Variants in FAM13A observed in about 807,000 individuals in gnomAD.
FAM13A encodes protein FAM13A.
Under a neutral mutation model 129.6 loss-of-function variants are expected in FAM13A, and 76 were observed. The observed-to-expected ratio is 0.59, with a 90% CI of 0.49 to 0.71. The LOEUF (loss-of-function observed/expected upper bound fraction) is 0.71. FAM13A is among the 30% of genes least tolerant of loss of function. The pLI is 0.00. For missense variants in FAM13A, 1,108 were observed against 1,249.3 expected, an observed-to-expected ratio of 0.89 and a Z score of 1.70; for synonymous variants, 443 against 449.9, an observed-to-expected ratio of 0.98 and a Z score of 0.20.
In FAM13A at chr4:88,739,114, GTTCT is replaced by G. The variant is rs1560852308; in HGVS notation, c.2474_2477del (p.Lys825ThrfsTer5). ...ATAGTGGCTTCATCACCTGCCGTTC[GTTCT>G]TTGTTACCTGAAAAGCAAGAATGAG... On this transcript the variant is annotated frameshift_variant, in exon 20 of 24. Coordinates refer to ENST00000264344, the MANE Select transcript of FAM13A (RefSeq NM_014883.4). LOFTEE classifies it high-confidence loss of function. 2.5e-6 allele frequency: 4 copies of G among 1,613,118 alleles called. No individual in the cohort carries two copies. Among genetic ancestry groups the G allele is most frequent in the African/African-American group, 1.3e-5 (1 of 74,868 alleles).
At chr4:88,772,689 G>A (rs999475748) in intron 11 of FAM13A, among the ~76,000 whole-genome samples, 11 of 152,154 alleles carry the variant, frequency 7.2e-5, no homozygotes, top group Non-Finnish European at 1.2e-4. Flanking sequence ...GCTTAGCCTA[G>A]CCTAAACATG....
intron 4 of FAM13A, among the ~76,000 whole-genome samples, chr4:88,958,857 C>T (rs951079121): frequency 6.6e-6 from 1 of 152,180 alleles, no homozygotes. Context: ...TAAGTTTAGC[C>T]ATGGGGGCTG....
chr4:88,909,660 T>A (rs1285002844), intron 5 of FAM13A, among the ~76,000 whole-genome samples: 1 of 152,150 alleles, frequency 6.6e-6, no homozygotes, highest in African/African-American at 2.4e-5. Context: ...CTAATTTTTG[T>A]ATTTTTAGTA....
At chr4:88,776,661 GT>G (rs1274875869) in intron 11 of FAM13A, among the ~76,000 whole-genome samples, 4 of 151,930 alleles carry the variant, frequency 2.6e-5, no homozygotes, top group Admixed American at 6.6e-5. Flanking sequence ...AATATATATG[GT>G]TTTTTTGATA....
At chr4:88,949,564 G>A (rs1756590030) in intron 4 of FAM13A, among the ~76,000 whole-genome samples, 1 of 152,066 alleles carries the variant, frequency 6.6e-6, no homozygotes, top group South Asian at 2.1e-4. Flanking sequence ...CTATTTTAAT[G>A]GTCCTATATT....
At chr4:88,758,985 A>G in intron 13 of FAM13A, 84 bp from the exon 14 acceptor site, 1 of 1,417,834 alleles carries the variant, frequency 7.1e-7, no homozygotes, top group Non-Finnish European at 9.7e-7. Flanking sequence ...CCTTCAGGAT[A>G]AAACCTTCCA....
chr4:88,955,598 T>C (rs1418197682), intron 4 of FAM13A, among the ~76,000 whole-genome samples: 1 of 152,154 alleles, frequency 6.6e-6, no homozygotes, highest in Non-Finnish European at 1.5e-5. Flanking sequence ...CAGGAAGATG[T>C]AGGAAAATTT....
At chr4:88,985,473 A>T (rs1041121383) in intron 4 of FAM13A, among the ~76,000 whole-genome samples, 1 of 151,936 alleles carries the variant, frequency 6.6e-6, no homozygotes, top group Non-Finnish European at 1.5e-5. Flanking sequence ...TCTCAATAAA[A>T]CTCTTAAAAC....
At chr4:88,993,929 T>G (rs1041829939) in intron 3 of FAM13A, among the ~76,000 whole-genome samples, 1 of 151,344 alleles carries the variant, frequency 6.6e-6, no homozygotes, top group African/African-American at 2.4e-5. Context: ...AAGCGGAGGT[T>G]GCAGTGAGCT....
intron 1 of FAM13A, among the ~76,000 whole-genome samples, chr4:89,053,447 TTTAAG>T (rs1771847499): frequency 6.6e-6 from 1 of 152,154 alleles, no homozygotes; most frequent in South Asian, 2.1e-4. Flanking sequence ...CTTGCTGTGA[TTTAAG>T]TTGATTCAAT....
chr4:89,014,718 T>C (rs182221278), intron 3 of FAM13A, among the ~76,000 whole-genome samples: 6 of 152,372 alleles, frequency 3.9e-5, no homozygotes, highest in East Asian at 1.9e-4. Context: ...TGATTTCCTA[T>C]GCCTGTCTTA....
chr4:88,817,027 T>C lies in FAM13A; in HGVS notation c.1008-11975A>G, dbSNP rs557582900. Reference sequence around the variant, plus strand: ...ATAAACGAAATTTGCTACATCCATATATCATAATATTATTCAGCCATAAAA... The same window carrying C: ...ATAAACGAAATTTGCTACATCCATACATCATAATATTATTCAGCCATAAAA... On this transcript the variant is annotated intron_variant, in intron 7 of 23. Coordinates refer to ENST00000264344, the MANE Select transcript of FAM13A (RefSeq NM_014883.4). 1.1e-4 allele frequency among the ~76,000 whole-genome samples: 17 copies of C among 152,316 alleles called. No homozygotes were observed. The East Asian group carries it at 2.5e-3, about 22-fold the overall frequency.
chr4:88,972,546 C>A (rs1464444652), intron 4 of FAM13A, among the ~76,000 whole-genome samples: 1 of 152,052 alleles, frequency 6.6e-6, no homozygotes, highest in Admixed American at 6.5e-5. Context: ...AGTGACCCAC[C>A]TACTTTGGCC....
chr4:88,787,743 G>A lies in FAM13A; in HGVS notation c.1271+10C>T, dbSNP rs1349882782. ...AACTCAAGTAAGAGGAAGAATCAAT[G>A]CCAACTCACTTGTCTCTCCCATGTC... On this transcript the variant is annotated intron_variant, in intron 10 of 23. Coordinates refer to ENST00000264344, the MANE Select transcript of FAM13A (RefSeq NM_014883.4). The A allele has an allele frequency of 1.2e-6, 2 of 1,609,020 alleles. No homozygotes were observed. The highest frequency in any genetic ancestry group is 1.7e-6 in the Non-Finnish European group (2 of 1,178,118).
chr4:88,927,293 A>C (rs1752355682), intron 5 of FAM13A, among the ~76,000 whole-genome samples: 1 of 151,432 alleles, frequency 6.6e-6, no homozygotes, highest in African/African-American at 2.4e-5. Context: ...AATGCTACTG[A>C]TTTCTGTACA....
intron 6 of FAM13A, among the ~76,000 whole-genome samples, chr4:88,880,567 G>C (rs1242188123): frequency 6.6e-6 from 1 of 152,070 alleles, no homozygotes; most frequent in Non-Finnish European, 1.5e-5. Context: ...AATTTCCACC[G>C]AACGCAGAGT....
At chr4:88,871,185 G>A (rs928817011) in intron 6 of FAM13A, among the ~76,000 whole-genome samples, 1 of 152,166 alleles carries the variant, frequency 6.6e-6, no homozygotes, top group Non-Finnish European at 1.5e-5. Flanking sequence ...CCACAAAGAT[G>A]GGGAGAAAAC....
chr4:88,740,129 T>C (rs923121737), intron 19 of FAM13A, among the ~76,000 whole-genome samples: 1 of 152,174 alleles, frequency 6.6e-6, no homozygotes, highest in Non-Finnish European at 1.5e-5. Context: ...CAATTCCCTC[T>C]ACCCTGCCAT....
At chr4:88,900,054 T>C (rs1579187065) in intron 6 of FAM13A, among the ~76,000 whole-genome samples, 1 of 151,896 alleles carries the variant, frequency 6.6e-6, no homozygotes, top group African/African-American at 2.4e-5. Flanking sequence ...ACTCCCTTTC[T>C]GAAATAAGAC....
Sources: gnomAD v4.1 joint callset for allele counts (sites outside exome capture counted in the v4.1 genomes callset) on GRCh38, gnomAD v4.1.1 for gene constraint, MANE v1.5 for transcripts, NCBI Gene and HGNC (gene_info 2026-07-23, HGNC 2026-07-21) for gene names.